The following DPP8 variants were observed in gnomAD, a reference collection of about 807,000 sequenced individuals.
The protein encoded by DPP8 is dipeptidyl peptidase 8, also known as DPP VIII.
In DPP8, 31 loss-of-function variants were observed where a neutral mutation model predicts 107.5. The observed-to-expected ratio is 0.29, with a 90% CI of 0.22 to 0.39. DPP8 has a LOEUF of 0.39. Among genes scored for constraint, DPP8 ranks in the 10% least tolerant of loss-of-function variants. The pLI is 1.00. For synonymous variants in DPP8, 381 were observed against 356.6 expected (o/e 1.07, Z -0.77); for missense variants, 842 against 1,076.1 (o/e 0.78, Z 3.04).
chr15:65,469,553 TGA>T (rs1465054882), intron 12 of DPP8, among the ~76,000 whole-genome samples: 1 of 144,022 alleles, frequency 6.9e-6, no homozygotes, highest in Non-Finnish European at 1.5e-5. Context: ...CTCAGGAGGC[TGA>T]GACAGGAGAA....
chr15:65,455,239 C>A (rs2064313492), intron 16 of DPP8, among the ~76,000 whole-genome samples: 2 of 151,978 alleles, frequency 1.3e-5, no homozygotes, highest in Admixed American at 6.6e-5. Flanking sequence ...TCAAGTTATC[C>A]TCCCACCTCA....
chr15:65,464,032 G>T, intron 14 of DPP8, 126 bp from the exon 15 acceptor site: 2 of 669,580 alleles, frequency 3.0e-6, no homozygotes, highest in South Asian at 2.2e-5. Context: ...TCTTTCAGAT[G>T]ATAAGCTAGA....
At position 65,497,989 on chromosome 15, in the gene DPP8, T is replaced by C; in HGVS notation, c.590A>G (p.Asn197Ser). The C allele has an allele frequency of 1.9e-6, 3 of 1,610,042 alleles. No homozygotes were observed. Among genetic ancestry groups the C allele is most frequent in the Non-Finnish European group, 2.5e-6 (3 of 1,177,500 alleles). The change falls in exon 5 of 20, where the codon AAC (asparagine) becomes AGC (serine). Residue 197 changes from asparagine (N) to serine (S), a missense_variant. By Grantham distance (46) the Asn-to-Ser change is conservative. Around this residue, in one of 2 missense-constraint regions of DPP8, gnomAD observed 663 missense variants for 758.0 expected, o/e 0.87. Transcript: ENST00000300141. ...RPNLVETSCP[N>S]IRMDPKLCPA... ...GCATAATTTTGGATCCATCCGTATG[T>C]TGGGACAACTAGTTTCCACTAGATT...
At chr15:65,486,672 T>C (rs548489117) in intron 7 of DPP8, among the ~76,000 whole-genome samples, 38 of 152,262 alleles carry the variant, frequency 2.5e-4, no homozygotes, top group Admixed American at 3.3e-4. Context: ...AACAAAATAA[T>C]GGCATTCACA....
chr15:65,488,113 G>A (rs1163111265), intron 6 of DPP8, among the ~76,000 whole-genome samples: 1 of 151,972 alleles, frequency 6.6e-6, no homozygotes, highest in Non-Finnish European at 1.5e-5. Flanking sequence ...ATTCTTTGTT[G>A]AAAAATGAAA....
At chr15:65,497,096 G>A (rs1013712563) in intron 5 of DPP8, among the ~76,000 whole-genome samples, 5 of 152,124 alleles carry the variant, frequency 3.3e-5, no homozygotes, top group Non-Finnish European at 4.4e-5. Context: ...CATCACGTTG[G>A]CCAGACTAGT....
rs1350760584 is a variant in DPP8, at chr15:65,442,935, C to T, written c.*3949G>A. The stretch of plus-strand genomic sequence containing the variant: ...AGAAATGGCCATGTCTCTTTTCTTA[C>T]ATCAAATAGCTATAAAGATGGGCTC... On this transcript the variant is annotated 3_prime_UTR_variant, in exon 20 of 20. Transcript: ENST00000300141. The T allele has an allele frequency of 6.6e-6, 1 of 152,126 alleles. No individual in the cohort carries two copies. 9.4% of individuals were successfully genotyped at this position (152,126 alleles called of 1,614,324 possible).
At chr15:65,502,955 A>AC (rs780274811) in intron 3 of DPP8, 1 of 152,174 alleles carries the variant, frequency 6.6e-6, no homozygotes, top group Non-Finnish European at 1.5e-5. Context: ...AAATAGAAAG[A>AC]CATCACGTAT....
chr15:65,455,938 G>C (rs1264558212), intron 16 of DPP8: 2 of 1,033,422 alleles, frequency 1.9e-6, no homozygotes, highest in African/African-American at 1.6e-5. Flanking sequence ...CCTCAACTGT[G>C]TACAGGATGC....
chr15:65,474,928 CA>C (rs1290023599), intron 11 of DPP8, among the ~76,000 whole-genome samples: 4 of 152,038 alleles, frequency 2.6e-5, no homozygotes, highest in African/African-American at 9.7e-5. Context: ...TTGGCAAAGC[CA>C]GAGGAAAACT....
At chr15:65,465,167 CTTTTTTT>C (rs199937501) in intron 14 of DPP8, among the ~76,000 whole-genome samples, 11 of 127,726 alleles carry the variant, frequency 8.6e-5, no homozygotes, top group Admixed American at 1.6e-4. Flanking sequence ...TTTGTTTTTT[CTTTTTTT>C]TTTTTTTTTT....
chr15:65,466,866 T>G (rs1413927859), intron 13 of DPP8, 53 bp from the exon 14 acceptor site: 4 of 1,568,280 alleles, frequency 2.6e-6, no homozygotes, highest in Non-Finnish European at 3.5e-6. Context: ...GAAAAGGTTA[T>G]CTGCTGTTAC....
rs11378043 is a variant in DPP8, at chr15:65,511,658, A to AC, written c.259+636dup. ...CTGTCTCAAAAAAAAAAAAAAAAAA[A>AC]CTATAATTATGACATGAACTCATGC... is the stretch of plus-strand genomic sequence containing the variant. On this transcript the variant is annotated intron_variant, in intron 2 of 19. Transcript: ENST00000300141. 2.1e-4 allele frequency among the ~76,000 whole-genome samples: 32 copies of AC among 150,122 alleles called. No homozygotes were observed. In the South Asian group the frequency reaches 4.0e-3, roughly 19 times the overall value.
chr15:65,503,158 A>G (rs1425279917), intron 3 of DPP8, among the ~76,000 whole-genome samples: 1 of 152,198 alleles, frequency 6.6e-6, no homozygotes, highest in Non-Finnish European at 1.5e-5. Flanking sequence ...CCCAGGCTGT[A>G]GTGCAATGGC....
chr15:65,448,913 TATATATATA>T (rs2063751555), intron 19 of DPP8, among the ~76,000 whole-genome samples: 1 of 88,222 alleles, frequency 1.1e-5, no homozygotes, highest in African/African-American at 4.6e-5. Context: ...TATATATATA[TATATATATA>T]TTTAGCCTGG....
chr15:65,455,845 TAGAG>T (rs1595866455), intron 16 of DPP8: 1 of 1,293,930 alleles, frequency 7.7e-7, no homozygotes, highest in South Asian at 1.2e-5. Context: ...AAGCTTCCTG[TAGAG>T]AGAAAGAGGC....
intron 15 of DPP8, among the ~76,000 whole-genome samples, chr15:65,456,580 C>T (rs1333615852): frequency 6.6e-6 from 1 of 152,274 alleles, no homozygotes; most frequent in East Asian, 1.9e-4. Flanking sequence ...TACTGAACAA[C>T]CATAGGCTTT....
chr15:65,481,623 A>G lies in DPP8; in HGVS notation c.1018-8T>C, dbSNP rs79979858. 22 of 1,283,980 alleles carry G rather than the reference A, an allele frequency of 1.7e-5. No homozygotes were observed. In the East Asian group the frequency reaches 5.6e-4, roughly 33 times the overall value. 79.5% of individuals were successfully genotyped at this position (1,283,980 alleles called of 1,614,324 possible). On this transcript the variant is annotated splice_region_variant and splice_polypyrimidine_tract_variant and intron_variant, in intron 8 of 19. Coordinates refer to ENST00000300141, the MANE Select transcript of DPP8 (RefSeq NM_130434.5). ...ATCTATGACATCTATGATCTATTAAAAAAGAAAAAAAAAGAATCTAGTTAT... is the reference window on the plus strand; with the variant it reads ...ATCTATGACATCTATGATCTATTAAGAAAGAAAAAAAAAGAATCTAGTTAT...
intron 6 of DPP8, among the ~76,000 whole-genome samples, chr15:65,488,468 T>G (rs1358661978): frequency 6.7e-6 from 1 of 149,776 alleles, no homozygotes; most frequent in East Asian, 1.9e-4. Flanking sequence ...ATTAGCTGGG[T>G]GTAGTGGCTT....
Sources: gnomAD v4.1 joint callset for allele counts (sites outside exome capture counted in the v4.1 genomes callset) on GRCh38, gnomAD v4.1.1 for gene constraint, gnomAD v4.1.1 regional missense constraint, MANE v1.5 for transcripts, NCBI Gene and HGNC (gene_info 2026-07-23, HGNC 2026-07-21) for gene names.